SPATA13: variants seen among roughly 807,000 people sequenced by gnomAD.
SPATA13 encodes spermatogenesis-associated protein 13.
A neutral mutation model predicts 104.0 loss-of-function variants in SPATA13; 50 were observed. The observed-to-expected ratio is 0.48, with a 90% CI of 0.38 to 0.61. The LOEUF (loss-of-function observed/expected upper bound fraction) is 0.61, where lower values mean the gene tolerates loss of function less well. Among genes scored for constraint, SPATA13 ranks in the 20% least tolerant of loss-of-function variants. The pLI is 0.00. For missense variants in SPATA13, 1,524 were observed against 1,690.6 expected (o/e 0.90, Z 1.73); for synonymous variants, 606 against 667.5 (o/e 0.91, Z 1.42).
At chr13:24,278,996 T>TC (rs1566188436) in intron 4 of SPATA13, among the ~76,000 whole-genome samples, 110 of 94,406 alleles carry the variant, frequency 1.2e-3, no homozygotes, top group African/African-American at 1.6e-3. Flanking sequence ...CTCCCTCCCT[T>TC]CCTTCCTTCC....
At chr13:24,039,711 C>A (rs1033925721) in intron 3 of SPATA13, among the ~76,000 whole-genome samples, 1 of 151,994 alleles carries the variant, frequency 6.6e-6, no homozygotes, top group African/African-American at 2.4e-5. Context: ...TTGTAAGTTG[C>A]CATTTGTTCT....
At chr13:24,206,825 A>G (rs9507282) in intron 1 of SPATA13, among the ~76,000 whole-genome samples, 138,944 of 151,518 alleles carry the variant, frequency 0.92, 65,002 homozygotes, top group East Asian at 1. Context: ...CCAGGGGGCA[A>G]AGGTTGCAGT....
At chr13:24,137,622 T>C (rs911849592) in intron 3 of SPATA13, among the ~76,000 whole-genome samples, 9 of 151,866 alleles carry the variant, frequency 5.9e-5, no homozygotes, top group Admixed American at 5.9e-4. Flanking sequence ...TAGGCAAGCG[T>C]GGTACGCATG....
intron 3 of SPATA13, among the ~76,000 whole-genome samples, chr13:24,028,237 T>C (rs914398258): frequency 1.3e-5 from 2 of 152,226 alleles, no homozygotes; most frequent in Non-Finnish European, 2.9e-5. Context: ...CATCATTCCT[T>C]TTTGCATTTG....
rs748141809 is a variant in SPATA13, at chr13:24,286,142, G to A, written c.2302-72G>A. 134 of 1,422,840 alleles carry A rather than the reference G, an allele frequency of 9.4e-5. No individual in the cohort carries two copies. The highest frequency in any genetic ancestry group is 1.3e-4 in the Non-Finnish European group (131 of 1,041,690). 88.1% of individuals were successfully genotyped at this position (1,422,840 alleles called of 1,614,324 possible). A position where few individuals can be genotyped will look rare whatever the true frequency, so the allele number is the denominator to read the frequency against. On this transcript the variant is annotated intron_variant, in intron 5 of 12. Transcript: ENST00000382108. The surrounding 1 kb of genome is among the most constrained non-coding windows in gnomAD (Gnocchi z 4.9). ...GATACCAGTGTCACCCTGAGAGAGT[G>A]CACCTAGTGGCTCCCTCACCATCCC... is the stretch of plus-strand genomic sequence containing the variant.
Position 24,238,193 on chromosome 13 carries a change from G to GACTCTTGCTCTC in SPATA13, c.1654-11284_1654-11283insACTCTTGCTCTC, listed in dbSNP as rs1555271451. On this transcript the variant is annotated intron_variant, in intron 2 of 12. Coordinates refer to ENST00000382108, the MANE Select transcript of SPATA13 (RefSeq NM_001166271.3). ...GCTCTATCTCCCAGACTCTTGCTCT[G>GACTCTTGCTCTC]TCTCCCAGACTGGAGTGCAGTGGCA... is the stretch of plus-strand genomic sequence containing the variant. Among the ~76,000 whole-genome samples, 86 of 55,904 alleles carry GACTCTTGCTCTC rather than the reference G, an allele frequency of 1.5e-3. 1 individual carries two copies. The highest frequency in any genetic ancestry group is 5.0e-3 in the African/African-American group (84 of 16,792). 36.7% of individuals were successfully genotyped at this position (55,904 alleles called of 152,430 possible).
intron 1 of SPATA13, among the ~76,000 whole-genome samples, chr13:24,214,051 C>T (rs544067721): frequency 6.6e-6 from 1 of 152,218 alleles, no homozygotes; most frequent in Non-Finnish European, 1.5e-5. Context: ...ATCACCTTCT[C>T]CAGATCCGCA....
intron 3 of SPATA13, among the ~76,000 whole-genome samples, chr13:24,139,992 C>T (rs572560095): frequency 2.7e-4 from 41 of 150,172 alleles, no homozygotes; most frequent in South Asian, 8.5e-4. Flanking sequence ...GGTGTGAACC[C>T]GGGAGGCGGA....
intron 2 of SPATA13, among the ~76,000 whole-genome samples, chr13:24,008,849 A>G (rs1876342763): frequency 6.6e-6 from 1 of 152,078 alleles, no homozygotes; most frequent in Non-Finnish European, 1.5e-5. Context: ...TGACTCACTG[A>G]TGGAATGACC....
chr13:24,121,167 G>C (rs1241308911), intron 3 of SPATA13, among the ~76,000 whole-genome samples: 1 of 152,022 alleles, frequency 6.6e-6, no homozygotes, highest in Non-Finnish European at 1.5e-5. Flanking sequence ...GTAAGGTCTG[G>C]TATTCAAATA....
chr13:24,083,521 C>T (rs115145306), intron 3 of SPATA13, among the ~76,000 whole-genome samples: 1,717 of 152,320 alleles, frequency 0.011, 29 homozygotes, highest in African/African-American at 0.039. Flanking sequence ...GGCTAGCTCT[C>T]TGTGGAGTTG....
At chr13:24,207,605 T>A (rs1593418886) in intron 1 of SPATA13, among the ~76,000 whole-genome samples, 1 of 152,376 alleles carries the variant, frequency 6.6e-6, no homozygotes, top group East Asian at 1.9e-4. Flanking sequence ...TCTGTTTTTT[T>A]AAGGTAACAG....
At chr13:24,077,583 G>A (rs142479818) in intron 3 of SPATA13, among the ~76,000 whole-genome samples, 46 of 151,930 alleles carry the variant, frequency 3.0e-4, no homozygotes, top group African/African-American at 1.0e-3. Flanking sequence ...AAGATACCCC[G>A]TAACAAACAT....
intron 1 of SPATA13, among the ~76,000 whole-genome samples, chr13:24,170,083 C>G (rs982528513): frequency 6.6e-6 from 1 of 152,212 alleles, no homozygotes; most frequent in African/African-American, 2.4e-5. Context: ...AGTACAAGGT[C>G]CCATCTTCAG....
At chr13:24,202,628 G>A (rs778565486) in intron 1 of SPATA13, among the ~76,000 whole-genome samples, 1 of 141,334 alleles carries the variant, frequency 7.1e-6, no homozygotes, top group Non-Finnish European at 1.5e-5. Context: ...GGATAAAAAT[G>A]GAATTAAAAA....
At chr13:24,091,145 G>A (rs1228687811) in intron 3 of SPATA13, among the ~76,000 whole-genome samples, 1 of 152,188 alleles carries the variant, frequency 6.6e-6, no homozygotes, top group Non-Finnish European at 1.5e-5. Context: ...CAGTACTCTA[G>A]CACACAGTTC....
At chr13:24,110,182 CTG>C (rs1323229649) in intron 3 of SPATA13, among the ~76,000 whole-genome samples, 1 of 151,824 alleles carries the variant, frequency 6.6e-6, no homozygotes, top group East Asian at 1.9e-4. Context: ...GCAGTAAAAA[CTG>C]GAGCACACAG....
chr13:24,291,035 G>A (rs1487281391), intron 9 of SPATA13, 151 bp downstream of exon 9: 1 of 648,006 alleles, frequency 1.5e-6, no homozygotes, highest in South Asian at 2.0e-5. Flanking sequence ...TTTAGAATGT[G>A]TGCAATTAAC....
chr13:24,262,309 CT>C (rs71186821), intron 4 of SPATA13, among the ~76,000 whole-genome samples: 2,847 of 138,190 alleles, frequency 0.021, 50 homozygotes, highest in African/African-American at 0.06. Flanking sequence ...AGTTTTTTTT[CT>C]TTTTTTTTTT....
Sources: gnomAD v4.1 joint callset for allele counts (sites outside exome capture counted in the v4.1 genomes callset) on GRCh38, gnomAD v4.1.1 for gene constraint, Gnocchi (gnomAD v3.1) non-coding constraint, MANE v1.5 for transcripts, NCBI Gene and HGNC (gene_info 2026-07-23, HGNC 2026-07-21) for gene names.